CSNK1G3: variants seen among roughly 807,000 people sequenced by gnomAD.
CSNK1G3 encodes the protein casein kinase 1 gamma 3.
Under a neutral mutation model 64.3 loss-of-function variants are expected in CSNK1G3, and 23 were observed. The ratio of observed to expected loss-of-function variants is 0.36; its 90% CI spans 0.26 to 0.51. The LOEUF is 0.51. CSNK1G3 is among the 20% of genes least tolerant of loss of function. The pLI is 0.96. For synonymous variants in CSNK1G3, 158 were observed against 162.2 expected, an observed-to-expected ratio of 0.97 and a Z score of 0.20; for missense variants, 357 against 510.5, an observed-to-expected ratio of 0.70 and a Z score of 2.90.
At chr5:123,517,629 C>A (rs1467285142) in intron 1 of CSNK1G3, among the ~76,000 whole-genome samples, 1 of 152,036 alleles carries the variant, frequency 6.6e-6, no homozygotes, top group Non-Finnish European at 1.5e-5. Flanking sequence ...AACTGGAAAT[C>A]ACAGGTGTTG....
At chr5:123,557,396 C>T (rs1361793569) in intron 3 of CSNK1G3, 99 bp from the exon 4 acceptor site, 1 of 752,816 alleles carries the variant, frequency 1.3e-6, no homozygotes, top group East Asian at 2.7e-5. Context: ...TAGACTATTA[C>T]ATAATATAGG....
chr5:123,537,655 A>C (rs989277112), intron 1 of CSNK1G3, among the ~76,000 whole-genome samples: 10 of 152,148 alleles, frequency 6.6e-5, no homozygotes, highest in African/African-American at 1.9e-4. Context: ...GCAGTTTTTT[A>C]TGTGTGTATG....
At chr5:123,558,979 T>A (rs901482538) in intron 4 of CSNK1G3, among the ~76,000 whole-genome samples, 2 of 152,304 alleles carry the variant, frequency 1.3e-5, no homozygotes, top group East Asian at 3.9e-4. Flanking sequence ...AGCTTCACTC[T>A]CTAGTTGGCC....
intron 1 of CSNK1G3, among the ~76,000 whole-genome samples, chr5:123,512,954 C>G (rs2149845747): frequency 6.6e-6 from 1 of 152,024 alleles, no homozygotes; most frequent in South Asian, 2.1e-4. Flanking sequence ...GGGAGTGTCG[C>G]CCACGGTGCT....
chr5:123,549,761 T>C (rs1418330410), intron 2 of CSNK1G3, among the ~76,000 whole-genome samples: 3 of 152,184 alleles, frequency 2.0e-5, no homozygotes, highest in Admixed American at 1.3e-4. Flanking sequence ...TATAGTAACC[T>C]TTGTTTTCAT....
At chr5:123,526,186 T>G (rs1347184325) in intron 1 of CSNK1G3, among the ~76,000 whole-genome samples, 1 of 151,768 alleles carries the variant, frequency 6.6e-6, no homozygotes, top group African/African-American at 2.4e-5. Flanking sequence ...TACAAGCATA[T>G]GCCACCATGC....
intron 10 of CSNK1G3, chr5:123,595,081 C>A: frequency 6.2e-7 from 1 of 1,613,710 alleles, no homozygotes; most frequent in Non-Finnish European, 8.5e-7. Context: ...GCAGGCAAAT[C>A]CCCACCATTT....
intron 1 of CSNK1G3, among the ~76,000 whole-genome samples, chr5:123,540,014 C>T (rs1781432426): frequency 6.6e-6 from 1 of 151,920 alleles, no homozygotes; most frequent in Non-Finnish European, 1.5e-5. Flanking sequence ...TGTATATTCT[C>T]TTTTGTTCTT....
chr5:123,595,236 G>T, intron 10 of CSNK1G3, 102 bp downstream of exon 11: 6 of 1,038,602 alleles, frequency 5.8e-6, no homozygotes, highest in Non-Finnish European at 8.6e-6. Context: ...TGGAAAATTT[G>T]TTGCTGAACT....
At chr5:123,572,500 G>A (rs998756735) in intron 4 of CSNK1G3, among the ~76,000 whole-genome samples, 1 of 152,068 alleles carries the variant, frequency 6.6e-6, no homozygotes. Context: ...TCAGGAATAC[G>A]GGCATGGCTT....
rs1342217099 is a variant in CSNK1G3, at chr5:123,615,608, C to CAAA, written c.*1214_*1215insAAA. 81 of 151,908 alleles carry CAAA rather than the reference C, an allele frequency of 5.3e-4. 1 individual carries two copies. The highest frequency in any genetic ancestry group is 5.3e-3 in the Admixed American group (80 of 15,104). 9.4% of individuals were successfully genotyped at this position (151,908 alleles called of 1,614,324 possible). On this transcript the variant is annotated 3_prime_UTR_variant, in exon 13 of 13. Transcript: ENST00000345990. ...GCCTGCATATGAACAACAACAACAA[C>CAAA]AACAAAAAATTCTGTAAAAAAGGAA... is the stretch of plus-strand genomic sequence containing the variant.
In CSNK1G3 at chr5:123,558,722, TA is replaced by T. The variant is rs1265402966; in HGVS notation, c.289+1159del. On this transcript the variant is annotated intron_variant, in intron 4 of 12. Transcript: ENST00000345990. ...CTGATACAGACAGGCCTCAGGGAGT[TA>T]TCAAAATTATCACTGACAACTGGGA... Among the ~76,000 whole-genome samples, 10 of 152,220 alleles carry T rather than the reference TA, an allele frequency of 6.6e-5. No individual in the cohort carries two copies. In the South Asian group the frequency reaches 2.1e-3, roughly 31 times the overall value.
chr5:123,614,762 T>C (rs1749176107), exon 13 of CSNK1G3: 1 of 165,198 alleles, frequency 6.1e-6, no homozygotes, highest in South Asian at 2.0e-4. Flanking sequence ...CCTAATCTGG[T>C]TTTTTATAAC....
chr5:123,598,263 C>A (rs1009936211), intron 10 of CSNK1G3, among the ~76,000 whole-genome samples: 5 of 152,142 alleles, frequency 3.3e-5, no homozygotes, highest in African/African-American at 9.7e-5. Flanking sequence ...AGACCTACCA[C>A]ATTCAGTTTC....
intron 1 of CSNK1G3, among the ~76,000 whole-genome samples, chr5:123,517,790 A>G (rs1777427138): frequency 1.3e-5 from 2 of 152,170 alleles, no homozygotes; most frequent in Non-Finnish European, 2.9e-5. Flanking sequence ...GAGTTTGTAG[A>G]TGTTGAGAAA....
intron 10 of CSNK1G3, among the ~76,000 whole-genome samples, chr5:123,598,290 C>T (rs143776886): frequency 2.6e-5 from 4 of 152,214 alleles, no homozygotes; most frequent in Non-Finnish European, 4.4e-5. Context: ...ATTCATTACT[C>T]AGCAAATTGC....
intron 6 of CSNK1G3, among the ~76,000 whole-genome samples, chr5:123,584,643 A>G (rs898836134): frequency 6.6e-6 from 1 of 152,128 alleles, no homozygotes; most frequent in Non-Finnish European, 1.5e-5. Context: ...AACTCTTCCA[A>G]TCCTGGGTTT....
intron 2 of CSNK1G3, among the ~76,000 whole-genome samples, chr5:123,550,996 G>A (rs988866791): frequency 1.3e-5 from 2 of 152,048 alleles, no homozygotes; most frequent in Non-Finnish European, 2.9e-5. Flanking sequence ...TGACCTCAAA[G>A]GTATGAAAGC....
chr5:123,512,695 G>GGGGCGGCGCCGCAGGCGC (rs1776412275), intron 1 of CSNK1G3, 125 bp downstream of exon 1: 1 of 149,576 alleles, frequency 6.7e-6, no homozygotes, highest in African/African-American at 2.4e-5. Flanking sequence ...GGGTGCGGCG[G>GGGGCGGCGCCGCAGGCGC]GGGCGGCGCC....
Sources: gnomAD v4.1 joint callset for allele counts (sites outside exome capture counted in the v4.1 genomes callset) on GRCh38, gnomAD v4.1.1 for gene constraint, MANE v1.5 for transcripts, NCBI Gene and HGNC (gene_info 2026-07-23, HGNC 2026-07-21) for gene names.